SLC4A8: variants seen among roughly 807,000 people sequenced by gnomAD.
SLC4A8 encodes electroneutral sodium bicarbonate exchanger 1.
In SLC4A8, 40 loss-of-function variants were observed where a neutral mutation model predicts 125.0. The ratio of observed to expected loss-of-function variants is 0.32; its 90% CI spans 0.25 to 0.42. SLC4A8 has a LOEUF of 0.42. SLC4A8 is among the 10% of genes least tolerant of loss of function. SLC4A8 has a pLI of 1.00. For missense variants in SLC4A8, 863 were observed against 1,355.1 expected (o/e 0.64, Z 5.70); for synonymous variants, 456 against 476.0 (o/e 0.96, Z 0.55).
intron 6 of SLC4A8, among the ~76,000 whole-genome samples, chr12:51,458,024 G>A (rs1157577120): frequency 1.3e-5 from 2 of 152,160 alleles, no homozygotes; most frequent in East Asian, 1.9e-4. Flanking sequence ...TAAAGTAAGA[G>A]TAATAATAGG....
chr12:51,419,078 G>T (rs1948737932), intron 1 of SLC4A8, among the ~76,000 whole-genome samples: 1 of 152,144 alleles, frequency 6.6e-6, no homozygotes, highest in Non-Finnish European at 1.5e-5. Context: ...TCAATTTTAT[G>T]CAGGAAATGG....
chr12:51,404,649 G>A (rs888355266), intron 1 of SLC4A8, among the ~76,000 whole-genome samples: 9 of 152,166 alleles, frequency 5.9e-5, no homozygotes, highest in African/African-American at 2.2e-4. Context: ...TATTACATGA[G>A]GCAGGAGAGT....
At chr12:51,425,234 C>T in intron 1 of SLC4A8, 199 bp downstream of exon 1, 1 of 1,374,448 alleles carries the variant, frequency 7.3e-7, no homozygotes, top group Non-Finnish European at 9.4e-7. Flanking sequence ...TGACCTTGGG[C>T]CGAACCTGGG....
Position 51,489,683 on chromosome 12 carries a change from ACT to A in SLC4A8, c.2449-14_2449-13del. On this transcript the variant is annotated splice_polypyrimidine_tract_variant and intron_variant, in intron 18 of 24. Transcript: ENST00000453097. ...AGCTAGCCTACTGATGGTGACAAAG[ACT>A]CTGTTTCCCCACAGAAAGGCTGTGG... The A allele has an allele frequency of 1.2e-6, 2 of 1,613,404 alleles. No individual in the cohort carries two copies. The highest frequency in any genetic ancestry group is 8.5e-7 in the Non-Finnish European group (1 of 1,179,796).
chr12:51,471,557 T>A (rs1950698930), intron 14 of SLC4A8, 25 bp downstream of exon 14: 2 of 1,604,576 alleles, frequency 1.2e-6, no homozygotes, highest in East Asian at 4.5e-5. Context: ...TGCTTATTTT[T>A]AAAAATTGAG....
intron 19 of SLC4A8, among the ~76,000 whole-genome samples, 197 bp downstream of exon 19, chr12:51,490,148 A>T (rs1441306158): frequency 6.6e-6 from 1 of 152,228 alleles, no homozygotes; most frequent in Non-Finnish European, 1.5e-5. Context: ...TAACTACAGA[A>T]TGTGAATAGT....
intron 12 of SLC4A8, 46 bp from the exon 13 acceptor site, chr12:51,470,346 T>G: frequency 6.3e-7 from 1 of 1,595,174 alleles, no homozygotes; most frequent in Non-Finnish European, 8.6e-7. Context: ...AACATTACTC[T>G]GTACTGATGG....
chr12:51,474,258 C>T, intron 14 of SLC4A8, 84 bp from the exon 15 acceptor site: 2 of 858,606 alleles, frequency 2.3e-6, no homozygotes, highest in Admixed American at 2.1e-5. Flanking sequence ...CAGCTCCTGA[C>T]AGCCTTTAAA....
intron 16 of SLC4A8, among the ~76,000 whole-genome samples, chr12:51,479,300 C>A (rs1429516122): frequency 6.6e-6 from 1 of 152,164 alleles, no homozygotes; most frequent in Non-Finnish European, 1.5e-5. Context: ...AATAATGACT[C>A]CACACAGGCG....
intron 2 of SLC4A8, among the ~76,000 whole-genome samples, chr12:51,443,525 C>T (rs1949667351): frequency 6.6e-6 from 1 of 152,014 alleles, no homozygotes; most frequent in Non-Finnish European, 1.5e-5. Flanking sequence ...CTTTCCCAGT[C>T]CCAGAGGAAC....
At chr12:51,494,571 T>G (rs79116277) in intron 20 of SLC4A8, 160 of 159,052 alleles carry the variant, frequency 1.0e-3, no homozygotes, top group African/African-American at 3.6e-3. Flanking sequence ...CTTTTCACTA[T>G]AAATAATCAA....
Position 51,491,740 on chromosome 12 carries a change from G to GACACACACACACACACAC in SLC4A8, c.2700+1810_2700+1827dup, listed in dbSNP as rs35694156. On this transcript the variant is annotated intron_variant, in intron 19 of 24. Coordinates refer to ENST00000453097, the MANE Select transcript of SLC4A8 (RefSeq NM_001039960.3). ...CTCCACCCCTGTCTGGGGATGGGCA[G>GACACACACACACACACAC]ACACACACACACACACACACACACA... 1.4e-3 allele frequency among the ~76,000 whole-genome samples: 205 copies of GACACACACACACACACAC among 146,026 alleles called. 1 individual carries two copies. The highest frequency in any genetic ancestry group is 7.8e-3 in the East Asian group (39 of 4,976).
chr12:51,475,271 C>A, intron 16 of SLC4A8, 65 bp downstream of exon 16: 2 of 1,493,956 alleles, frequency 1.3e-6, no homozygotes, highest in Non-Finnish European at 1.8e-6. Context: ...TTTTCTCAGC[C>A]TTCATGCTGC....
At chr12:51,422,136 C>T (rs1444526354), upstream of SLC4A8, 7 of 152,288 alleles carry the variant, frequency 4.6e-5, no homozygotes, top group African/African-American at 1.4e-4. Context: ...ACTGCCTGAC[C>T]TTGAGTAAGT....
intron 1 of SLC4A8, among the ~76,000 whole-genome samples, chr12:51,427,012 C>G (rs563228023): frequency 6.7e-6 from 1 of 149,350 alleles, no homozygotes; most frequent in Non-Finnish European, 1.5e-5. Context: ...GATCTCCACT[C>G]ACTACAAGCT....
rs374305218 is a variant in SLC4A8, at chr12:51,495,145, C to A, written c.2943+27C>A. 30 of 1,562,532 alleles carry A rather than the reference C, an allele frequency of 1.9e-5. No homozygotes were observed. The African/African-American group carries it at 3.2e-4, about 16-fold the overall frequency. On this transcript the variant is annotated intron_variant, in intron 21 of 24. Transcript: ENST00000453097. ...TGAGGTGGTTTTTAAAAAATAAATT[C>A]TTATTATCATTGTTATTTTTTAGTG... is the stretch of plus-strand genomic sequence containing the variant.
intron 1 of SLC4A8, among the ~76,000 whole-genome samples, chr12:51,418,328 G>GA (rs1417371667): frequency 6.6e-6 from 1 of 152,154 alleles, no homozygotes; most frequent in East Asian, 1.9e-4. Context: ...AATTGTGTTG[G>GA]ATAGGAACTG....
chr12:51,418,749 T>C (rs987051811), intron 1 of SLC4A8, among the ~76,000 whole-genome samples: 14 of 152,216 alleles, frequency 9.2e-5, no homozygotes, highest in Non-Finnish European at 2.9e-5. Context: ...TGGGTATCTT[T>C]TTTAAAATAT....
chr12:51,436,026 A>G (rs534949072), intron 1 of SLC4A8, among the ~76,000 whole-genome samples: 2 of 152,334 alleles, frequency 1.3e-5, no homozygotes, highest in East Asian at 3.9e-4. Flanking sequence ...TAAATTTGTA[A>G]ATTTAAAAAC....
Sources: gnomAD v4.1 joint callset for allele counts (sites outside exome capture counted in the v4.1 genomes callset) on GRCh38, gnomAD v4.1.1 for gene constraint, MANE v1.5 for transcripts, NCBI Gene and HGNC (gene_info 2026-07-23, HGNC 2026-07-21) for gene names.